Variants in ARFGEF3 observed in about 807,000 individuals in gnomAD.
ARFGEF3 encodes the protein brefeldin A-inhibited guanine nucleotide-exchange protein 3.
Under a neutral mutation model 221.7 loss-of-function variants are expected in ARFGEF3, and 96 were observed. That is an observed-to-expected ratio of 0.43 (90% CI 0.37 to 0.51). The LOEUF (loss-of-function observed/expected upper bound fraction) is 0.51. ARFGEF3 is among the 20% of genes least tolerant of loss of function. ARFGEF3 has a pLI of 0.00. For synonymous variants in ARFGEF3, 1,145 were observed against 1,126.8 expected, an observed-to-expected ratio of 1.02 and a Z score of -0.32; for missense variants, 2,410 against 2,789.9, an observed-to-expected ratio of 0.86 and a Z score of 3.07.
intron 12 of ARFGEF3, among the ~76,000 whole-genome samples, chr6:138,266,241 CAAAA>C (rs1217167826): frequency 1.4e-5 from 2 of 142,486 alleles, no homozygotes; most frequent in Non-Finnish European, 3.1e-5. Flanking sequence ...AGAGAAGAAA[CAAAA>C]GAAAGAGAAA....
chr6:138,209,598 C>T (rs1013345481), intron 3 of ARFGEF3, among the ~76,000 whole-genome samples: 3 of 152,100 alleles, frequency 2.0e-5, no homozygotes, highest in African/African-American at 4.8e-5. Flanking sequence ...TGCAGGCACC[C>T]GCCACCACGC....
intron 21 of ARFGEF3, among the ~76,000 whole-genome samples, chr6:138,298,389 A>T (rs940117921): frequency 1.4e-4 from 21 of 152,262 alleles, no homozygotes; most frequent in African/African-American, 3.6e-4. Flanking sequence ...TTCTAGAAAC[A>T]TTAACATGAA....
intron 2 of ARFGEF3, among the ~76,000 whole-genome samples, chr6:138,183,816 G>C (rs1187262763): frequency 6.6e-6 from 1 of 152,216 alleles, no homozygotes; most frequent in African/African-American, 2.4e-5. Flanking sequence ...CGGGAAGGTA[G>C]GGAGGTGCCT....
intron 17 of ARFGEF3, among the ~76,000 whole-genome samples, chr6:138,289,415 A>G (rs544124880): frequency 1.1e-4 from 16 of 152,370 alleles, no homozygotes; most frequent in African/African-American, 3.8e-4. Flanking sequence ...CATTACAATA[A>G]TCTCAGAGAA....
chr6:138,334,958 C>T lies in ARFGEF3; in HGVS notation c.6112C>T (p.Leu2038=), dbSNP rs1419186612. The change falls in exon 33 of 34, where the codon CTG becomes TTG. Residue 2038 remains leucine (L), a synonymous_variant. Transcript: ENST00000251691. The surrounding 1 kb of genome is among the most constrained non-coding windows in gnomAD (Gnocchi z 5.1). ...CAAAAAGAGGAAACAGCAGCACAAC[C>T]TGTCCGCGTTCCCCAAAGAGGTCAA... The part of the protein sequence containing the change: ...EYKKRKQQHN[L]SAFPKEVKVE... 1 of 1,586,718 alleles carries T rather than the reference C, an allele frequency of 6.3e-7. No homozygotes were observed. The highest frequency in any genetic ancestry group is 8.6e-7 in the Non-Finnish European group (1 of 1,167,136).
intron 12 of ARFGEF3, among the ~76,000 whole-genome samples, chr6:138,272,313 G>A (rs183115164): frequency 5.3e-4 from 80 of 152,104 alleles, no homozygotes; most frequent in African/African-American, 1.9e-3. Flanking sequence ...CCGCCACCAC[G>A]CCTGGCTAAT....
chr6:138,192,478 A>C (rs139295847), intron 2 of ARFGEF3, among the ~76,000 whole-genome samples: 72 of 148,916 alleles, frequency 4.8e-4, no homozygotes, highest in African/African-American at 1.7e-3. Context: ...CAGAGCAAAA[A>C]CTCTGTCTCA....
chr6:138,197,087 C>T (rs1777441650), intron 2 of ARFGEF3, among the ~76,000 whole-genome samples: 1 of 152,226 alleles, frequency 6.6e-6, no homozygotes, highest in Non-Finnish European at 1.5e-5. Flanking sequence ...CCTGCCTCAG[C>T]CTCCCAAAGT....
In ARFGEF3 at chr6:138,162,414, C is replaced by T. The variant is rs1776636493; in HGVS notation, c.85+243C>T. ...CCTCGGGAACCGCTGTCCTCCCTGC[C>T]TGGCGGCCCCCTTCTCCTGGTCCCG... On this transcript the variant is annotated intron_variant, in intron 1 of 33. Coordinates refer to ENST00000251691, the MANE Select transcript of ARFGEF3 (RefSeq NM_020340.5). This position sits in a 1 kb window ranked among gnomAD's most constrained non-coding sequence, Gnocchi z 4.7. Among the ~76,000 whole-genome samples, 1 of 152,232 alleles carries T rather than the reference C, an allele frequency of 6.6e-6. No homozygotes were observed. The highest frequency in any genetic ancestry group is 1.5e-5 in the Non-Finnish European group (1 of 68,040).
chr6:138,219,651 G>A (rs1330522936), intron 4 of ARFGEF3, among the ~76,000 whole-genome samples: 1 of 152,174 alleles, frequency 6.6e-6, no homozygotes, highest in Non-Finnish European at 1.5e-5. Context: ...GTAGGTAGGA[G>A]AGGGAAAGCC....
At chr6:138,263,929 T>G (rs572743757) in intron 12 of ARFGEF3, among the ~76,000 whole-genome samples, 57 of 152,270 alleles carry the variant, frequency 3.7e-4, no homozygotes, top group Non-Finnish European at 7.5e-4. Flanking sequence ...CTTAAAACAT[T>G]GAATTCCCAG....
intron 12 of ARFGEF3, among the ~76,000 whole-genome samples, chr6:138,273,707 T>TG (rs1190522925): frequency 6.6e-6 from 1 of 152,198 alleles, no homozygotes; most frequent in Non-Finnish European, 1.5e-5. Flanking sequence ...TTACTGTCTC[T>TG]GGGGCACTTT....
At chr6:138,303,378 G>A (rs962285120) in intron 22 of ARFGEF3, among the ~76,000 whole-genome samples, 2 of 152,200 alleles carry the variant, frequency 1.3e-5, no homozygotes, top group Non-Finnish European at 2.9e-5. Context: ...GCAAATGCCA[G>A]ATGTAAATAG....
intron 2 of ARFGEF3, among the ~76,000 whole-genome samples, chr6:138,183,449 A>G (rs925271015): frequency 1.3e-5 from 2 of 152,168 alleles, no homozygotes; most frequent in Admixed American, 1.3e-4. Flanking sequence ...TTTGCTTGAG[A>G]TGATTGCCTC....
intron 8 of ARFGEF3, among the ~76,000 whole-genome samples, chr6:138,252,997 G>A (rs1778607344): frequency 6.6e-6 from 1 of 152,072 alleles, no homozygotes; most frequent in Non-Finnish European, 1.5e-5. Context: ...ACCCCATAAT[G>A]ATAACTTGGA....
rs1051142617 is a variant in ARFGEF3 at position 138,334,656 on chromosome 6, T to C, written c.5810T>C (p.Phe1937Ser). Residue 1937 changes from phenylalanine to serine, a missense_variant, in exon 33 of 34, where the codon TTC becomes TCC. Phe to Ser is a radical substitution (Grantham distance 155, BLOSUM62 -2). This residue lies in a region of ARFGEF3 where 339 missense variants were observed against 334.9 expected (regional missense o/e 1.01). Coordinates refer to ENST00000251691, the MANE Select transcript of ARFGEF3 (RefSeq NM_020340.5). This position sits in a 1 kb window ranked among gnomAD's most constrained non-coding sequence, Gnocchi z 5.1. ...EEPPIFKGDP[F>S]FILPSFQSES... ...CCTCCCATCTTCAAGGGCGACCCGT[T>C]CTTCATCCTGCCCTCCTTCCAGTCC... 2 of 1,613,448 alleles carry C rather than the reference T, an allele frequency of 1.2e-6. No homozygotes were observed. The highest frequency in any genetic ancestry group is 2.7e-5 in the African/African-American group (2 of 74,936).
chr6:138,212,661 T>G (rs1419809708), intron 4 of ARFGEF3, among the ~76,000 whole-genome samples: 1 of 152,022 alleles, frequency 6.6e-6, no homozygotes, highest in Non-Finnish European at 1.5e-5. Context: ...ATTAAGAAAA[T>G]ATGGCACATA....
chr6:138,230,449 C>A (rs889815568), intron 5 of ARFGEF3, among the ~76,000 whole-genome samples: 4 of 152,132 alleles, frequency 2.6e-5, no homozygotes, highest in African/African-American at 4.8e-5. Flanking sequence ...CAAAGCTGAA[C>A]TTTAATATGC....
intron 2 of ARFGEF3, among the ~76,000 whole-genome samples, chr6:138,186,128 G>T (rs1430272501): frequency 6.6e-6 from 1 of 152,160 alleles, no homozygotes; most frequent in Non-Finnish European, 1.5e-5. Context: ...GTTAGAATGG[G>T]AATTGTTGTT....
Sources: gnomAD v4.1 joint callset for allele counts (sites outside exome capture counted in the v4.1 genomes callset) on GRCh38, gnomAD v4.1.1 for gene constraint, gnomAD v4.1.1 regional missense constraint, Gnocchi (gnomAD v3.1) non-coding constraint, MANE v1.5 for transcripts, NCBI Gene and HGNC (gene_info 2026-07-23, HGNC 2026-07-21) for gene names.